KIF26B: variants seen among roughly 807,000 people sequenced by gnomAD.
The protein encoded by KIF26B is kinesin-like protein KIF26B.
KIF26B carries 63 observed loss-of-function variants against 151.2 expected under a neutral mutation model. The observed-to-expected ratio is 0.42, with a 90% CI of 0.34 to 0.51. KIF26B has a LOEUF of 0.51. Ranked by LOEUF, KIF26B falls within the 20% of genes least tolerant of loss-of-function variation. The probability of loss-of-function intolerance (pLI) is 0.07; values close to 1 mark genes in which losing one functional copy is unlikely to be tolerated. For missense variants in KIF26B, 2,813 were observed against 2,913.6 expected (o/e 0.97, Z 0.79); for synonymous variants, 1,357 against 1,262.1 (o/e 1.08, Z -1.59).
chr1:245,433,465 T>C (rs537657772), intron 4 of KIF26B, among the ~76,000 whole-genome samples: 8 of 100,754 alleles, frequency 7.9e-5, no homozygotes, highest in African/African-American at 3.8e-4. Flanking sequence ...AGACTCTGTC[T>C]CAAAAAAAAA....
At chr1:245,162,020 C>A (rs1471898540) in intron 2 of KIF26B, among the ~76,000 whole-genome samples, 1 of 152,112 alleles carries the variant, frequency 6.6e-6, no homozygotes, top group Non-Finnish European at 1.5e-5. Context: ...CATTGGAGAC[C>A]CTGTTGTCAT....
intron 5 of KIF26B, among the ~76,000 whole-genome samples, chr1:245,571,938 G>T (rs1229951919): frequency 6.6e-6 from 1 of 152,190 alleles, no homozygotes; most frequent in Non-Finnish European, 1.5e-5. Context: ...TGACAGACAC[G>T]CATGGCTGGC....
At chr1:245,211,668 G>A (rs1390425334) in intron 2 of KIF26B, among the ~76,000 whole-genome samples, 1 of 152,192 alleles carries the variant, frequency 6.6e-6, no homozygotes, top group East Asian at 1.9e-4. Context: ...AGAGCTCTGG[G>A]ATTAGAGATG....
intron 4 of KIF26B, among the ~76,000 whole-genome samples, chr1:245,509,699 A>T (rs932800454): frequency 5.3e-5 from 8 of 152,158 alleles, no homozygotes; most frequent in Admixed American, 3.9e-4. Flanking sequence ...GGGTCCAGGT[A>T]TCTTTAGTGC....
rs1469137088 is a variant in KIF26B, at chr1:245,184,047, G to GTTTTTTTTTTTTTTTTTTTTTTTTTTT, written c.465+27366_465+27367insTTTTTTTTTTTTTTTTTTTTTTTTTTT. ...CCTGCAACAGGTATGGGTGGGAGTT[G>GTTTTTTTTTTTTTTTTTTTTTTTTTTT]TTGTTTTTTTTTTTTTTTTTTTGAG... On this transcript the variant is annotated intron_variant, in intron 2 of 14. Coordinates refer to ENST00000407071, the MANE Select transcript of KIF26B (RefSeq NM_018012.4). 8.2e-3 allele frequency among the ~76,000 whole-genome samples: 76 copies of GTTTTTTTTTTTTTTTTTTTTTTTTTTT among 9,234 alleles called. 9 individuals are homozygous for GTTTTTTTTTTTTTTTTTTTTTTTTTTT. The highest frequency in any genetic ancestry group is 0.012 in the South Asian group (4 of 336). The allele number at this position is 9,234 out of a possible 152,430, so 6.1% of individuals were successfully genotyped here. A position where few individuals can be genotyped will look rare whatever the true frequency, so the allele number is the denominator to read the frequency against.
intron 9 of KIF26B, among the ~76,000 whole-genome samples, chr1:245,638,739 T>C (rs1478365155): frequency 6.6e-6 from 1 of 151,886 alleles, no homozygotes; most frequent in African/African-American, 2.4e-5. Context: ...TCTATTGAAG[T>C]AATTCATATA....
chr1:245,181,990 A>G (rs1668916422), intron 2 of KIF26B, among the ~76,000 whole-genome samples: 1 of 152,218 alleles, frequency 6.6e-6, no homozygotes, highest in African/African-American at 2.4e-5. Context: ...TTTATGTGCC[A>G]TAAAATTCAC....
In KIF26B at chr1:245,597,439, G is replaced by A. The variant is rs1369403910; in HGVS notation, c.1351-5138G>A. 3.3e-5 allele frequency among the ~76,000 whole-genome samples: 5 copies of A among 152,108 alleles called. No individual in the cohort carries two copies. The South Asian group carries it at 8.3e-4, about 25-fold the overall frequency. On this transcript the variant is annotated intron_variant, in intron 5 of 14. Coordinates refer to ENST00000407071, the MANE Select transcript of KIF26B (RefSeq NM_018012.4). The surrounding 1 kb of genome is among the most constrained non-coding windows in gnomAD (Gnocchi z 4.6). Reference sequence around the variant, plus strand: ...TCTGGGTTGAAAATTCTTTAAGAGTGTTGACTATTGGCCCCCACCCTCTTC... The same window carrying A: ...TCTGGGTTGAAAATTCTTTAAGAGTATTGACTATTGGCCCCCACCCTCTTC...
intron 9 of KIF26B, among the ~76,000 whole-genome samples, chr1:245,628,122 C>T (rs1440199710): frequency 6.6e-6 from 1 of 152,236 alleles, no homozygotes; most frequent in Non-Finnish European, 1.5e-5. Context: ...TCCTCCCTAA[C>T]TCATTTTATG....
chr1:245,671,954 C>G (rs2044292383), intron 10 of KIF26B, among the ~76,000 whole-genome samples: 1 of 152,184 alleles, frequency 6.6e-6, no homozygotes, highest in African/African-American at 2.4e-5. Flanking sequence ...TGTAGGAAGG[C>G]ACCTTCATCC....
chr1:245,232,557 T>G (rs574246293), intron 2 of KIF26B, among the ~76,000 whole-genome samples: 48 of 151,944 alleles, frequency 3.2e-4, no homozygotes, highest in African/African-American at 9.6e-4. Flanking sequence ...ATTTGTTTTT[T>G]TTTTTTTTTT....
chr1:245,413,004 G>A (rs1674324190), intron 3 of KIF26B, among the ~76,000 whole-genome samples: 1 of 152,164 alleles, frequency 6.6e-6, no homozygotes, highest in Non-Finnish European at 1.5e-5. Context: ...ATGATGTGCT[G>A]TTTGGAAAGT....
At chr1:245,517,936 G>T (rs1245979635) in intron 4 of KIF26B, among the ~76,000 whole-genome samples, 1 of 148,428 alleles carries the variant, frequency 6.7e-6, no homozygotes, top group Admixed American at 6.8e-5. Context: ...GCAGTGGCAC[G>T]ATCTCGGCTC....
At chr1:245,195,866 C>T (rs11583042) in intron 2 of KIF26B, among the ~76,000 whole-genome samples, 63,342 of 151,752 alleles carry the variant, frequency 0.42, 13,776 homozygotes, top group East Asian at 0.75. Context: ...CCATTTGAGG[C>T]GACCGGCAAT....
intron 10 of KIF26B, among the ~76,000 whole-genome samples, chr1:245,674,505 TCTTTAA>T (rs1338951455): frequency 1.3e-5 from 2 of 152,232 alleles, no homozygotes; most frequent in Non-Finnish European, 2.9e-5. Flanking sequence ...CTTCATTTCA[TCTTTAA>T]CTTCATTAGA....
intron 9 of KIF26B, among the ~76,000 whole-genome samples, chr1:245,628,597 A>T (rs1467221738): frequency 1.3e-5 from 2 of 152,240 alleles, no homozygotes; most frequent in Non-Finnish European, 2.9e-5. Context: ...TATTGATGGA[A>T]CGTTTCTCAA....
At chr1:245,632,695 C>G (rs1243465826) in intron 9 of KIF26B, among the ~76,000 whole-genome samples, 2 of 152,152 alleles carry the variant, frequency 1.3e-5, no homozygotes, top group African/African-American at 4.8e-5. Context: ...ATCACTTGAG[C>G]TCAGGAGTTT....
chr1:245,162,920 T>C (rs971634250), intron 2 of KIF26B, among the ~76,000 whole-genome samples: 1 of 152,196 alleles, frequency 6.6e-6, no homozygotes, highest in Non-Finnish European at 1.5e-5. Context: ...AATAGTGTCC[T>C]TTTTAATATT....
chr1:245,519,707 C>G (rs1009382697), intron 4 of KIF26B, among the ~76,000 whole-genome samples: 5 of 152,132 alleles, frequency 3.3e-5, no homozygotes, highest in African/African-American at 1.2e-4. Context: ...CTCCTACACA[C>G]CTAGGCTAGA....
Sources: gnomAD v4.1 joint callset for allele counts (sites outside exome capture counted in the v4.1 genomes callset) on GRCh38, gnomAD v4.1.1 for gene constraint, Gnocchi (gnomAD v3.1) non-coding constraint, MANE v1.5 for transcripts, NCBI Gene and HGNC (gene_info 2026-07-23, HGNC 2026-07-21) for gene names.